AGAP1: variants seen among roughly 807,000 people sequenced by gnomAD.
AGAP1 encodes the protein arf-GAP with GTPase, ANK repeat and PH domain-containing protein 1.
AGAP1 carries 29 observed loss-of-function variants against 105.3 expected under a neutral mutation model. The observed-to-expected ratio is 0.28, with a 90% CI of 0.21 to 0.38. The LOEUF (loss-of-function observed/expected upper bound fraction) is 0.38. Ranked by LOEUF, AGAP1 falls within the 10% of genes least tolerant of loss-of-function variation. AGAP1 has a pLI of 1.00. For synonymous variants in AGAP1, 509 were observed against 485.9 expected (o/e 1.05, Z -0.63); for missense variants, 998 against 1,165.1 (o/e 0.86, Z 2.09).
Position 235,728,586 on chromosome 2 carries a change from G to T in AGAP1, c.310+10942G>T, listed in dbSNP as rs1297987534. ...GCTAGTGTGAGAGCTGCTGGTGCCT[G>T]CCCTGGGTCCGAAAGCTGGTGGTGG... On this transcript the variant is annotated intron_variant, in intron 3 of 17. Coordinates refer to ENST00000304032, the MANE Select transcript of AGAP1 (RefSeq NM_001037131.3). This position sits in a 1 kb window ranked among gnomAD's most constrained non-coding sequence, Gnocchi z 4.3. Among the ~76,000 whole-genome samples the T allele has an allele frequency of 6.6e-6, 1 of 152,100 alleles. No individual in the cohort carries two copies. The highest frequency in any genetic ancestry group is 1.9e-4 in the East Asian group (1 of 5,178).
Position 235,690,282 on chromosome 2 carries a change from C to T in AGAP1, c.164-18897C>T, listed in dbSNP as rs565851281. On this transcript the variant is annotated intron_variant, in intron 1 of 17. Transcript: ENST00000304032. The surrounding 1 kb of genome is among the most constrained non-coding windows in gnomAD (Gnocchi z 4.1). Reference sequence around the variant, plus strand: ...CTAAAAGGGACTCTGACCCTCCCTCCGCACCCCACCCTTTAAAGGTGAAAG... The same window carrying T: ...CTAAAAGGGACTCTGACCCTCCCTCTGCACCCCACCCTTTAAAGGTGAAAG... 6.6e-5 allele frequency among the ~76,000 whole-genome samples: 10 copies of T among 152,210 alleles called. No individual in the cohort carries two copies. The highest frequency in any genetic ancestry group is 1.9e-4 in the East Asian group (1 of 5,150).
Position 235,663,746 on chromosome 2 carries a change from C to G in AGAP1, c.164-45433C>G, listed in dbSNP as rs1948037384. Among the ~76,000 whole-genome samples, 1 of 152,154 alleles carries G rather than the reference C, an allele frequency of 6.6e-6. No homozygotes were observed. Among genetic ancestry groups the G allele is most frequent in the Non-Finnish European group, 1.5e-5 (1 of 68,036 alleles). On this transcript the variant is annotated intron_variant, in intron 1 of 17. Transcript: ENST00000304032. This position sits in a 1 kb window ranked among gnomAD's most constrained non-coding sequence, Gnocchi z 5.4. ...TGATATTCGTTCCTACTCCAGGAAG[C>G]TCTTAGGAGAATCCAAATCCGACTT...
At position 235,614,317 on chromosome 2, in the gene AGAP1, G is replaced by A. The variant is rs189311704; in HGVS notation, c.164-94862G>A. ...AGCGTGTATAACAAAAGTGGGATCCGGAAAGGGCTGCTGGCGAGTGGGAGT... is the reference window on the plus strand; with the variant it reads ...AGCGTGTATAACAAAAGTGGGATCCAGAAAGGGCTGCTGGCGAGTGGGAGT... On this transcript the variant is annotated intron_variant, in intron 1 of 17. Transcript: ENST00000304032. This position sits in a 1 kb window ranked among gnomAD's most constrained non-coding sequence, Gnocchi z 4.7. Among the ~76,000 whole-genome samples, 41 of 152,230 alleles carry A rather than the reference G, an allele frequency of 2.7e-4. No individual in the cohort carries two copies. Among genetic ancestry groups the A allele is most frequent in the South Asian group, 4.2e-4 (2 of 4,810 alleles).
intron 1 of AGAP1, among the ~76,000 whole-genome samples, chr2:235,536,670 CACACACA>C (rs879944667): frequency 0.02 from 2,951 of 146,196 alleles, 45 homozygotes; most frequent in Middle Eastern, 0.082. Flanking sequence ...CACACACACA[CACACACA>C]CCCCTTGCTT....
At chr2:235,849,940 C>T (rs1010756463) in intron 9 of AGAP1, among the ~76,000 whole-genome samples, 30 of 152,332 alleles carry the variant, frequency 2.0e-4, no homozygotes, top group African/African-American at 6.3e-4. Flanking sequence ...TTGGTCCTGC[C>T]TTTCTCACTT....
At chr2:236,111,809 A>G (rs10211463) in intron 16 of AGAP1, among the ~76,000 whole-genome samples, 2,992 of 149,724 alleles carry the variant, frequency 0.02, 93 homozygotes, top group African/African-American at 0.069. Flanking sequence ...AAAAAAAAAG[A>G]AAGGGTCCAT....
intron 16 of AGAP1, among the ~76,000 whole-genome samples, chr2:236,077,138 A>ATAT (rs1176952323): frequency 8.5e-4 from 119 of 139,256 alleles, no homozygotes; most frequent in African/African-American, 2.8e-3. Flanking sequence ...AAAAAAAAAA[A>ATAT]AAAAATATAT....
intron 5 of AGAP1, among the ~76,000 whole-genome samples, chr2:235,748,834 G>A (rs1401040160): frequency 6.6e-6 from 1 of 152,174 alleles, no homozygotes; most frequent in Admixed American, 6.5e-5. Context: ...TCCTGTTGGT[G>A]GATTTTTGTT....
At chr2:236,108,043 C>A (rs1402420438) in intron 16 of AGAP1, among the ~76,000 whole-genome samples, 1 of 152,260 alleles carries the variant, frequency 6.6e-6, no homozygotes, top group Non-Finnish European at 1.5e-5. Flanking sequence ...CTCCTCCCCG[C>A]ATGCGGGATT....
intron 1 of AGAP1, among the ~76,000 whole-genome samples, chr2:235,572,906 G>A (rs565997182): frequency 6.6e-6 from 1 of 152,278 alleles, no homozygotes; most frequent in South Asian, 2.1e-4. Flanking sequence ...TTCTGCCTGA[G>A]ACTCCTTTTA....
chr2:235,925,637 T>C (rs2052409813), intron 11 of AGAP1, among the ~76,000 whole-genome samples: 1 of 152,192 alleles, frequency 6.6e-6, no homozygotes, highest in African/African-American at 2.4e-5. Context: ...GGTCTAGGTG[T>C]GAAAATGTGA....
At chr2:236,025,875 C>T (rs1239156917) in intron 13 of AGAP1, among the ~76,000 whole-genome samples, 2 of 81,078 alleles carry the variant, frequency 2.5e-5, no homozygotes, top group Admixed American at 1.1e-4. Flanking sequence ...GCACTCCAGC[C>T]TGAGCGACAG....
rs1011669810 is a variant in AGAP1 at position 235,711,438 on chromosome 2, T to C, written c.222+2201T>C. On this transcript the variant is annotated intron_variant, in intron 2 of 17. Coordinates refer to ENST00000304032, the MANE Select transcript of AGAP1 (RefSeq NM_001037131.3). ...TGCCGGTATTTTGAAAGCATATGAT[T>C]TTCTGGAATATCTGCCCAGAGCTGT... 1.1e-4 allele frequency among the ~76,000 whole-genome samples: 16 copies of C among 152,336 alleles called. No individual in the cohort carries two copies. In the East Asian group the frequency reaches 2.9e-3, roughly 28 times the overall value.
chr2:236,120,381 C>T lies in AGAP1; in HGVS notation c.2304C>T (p.Asp768=), dbSNP rs780092209. Residue 768 remains aspartate (D), a synonymous_variant, in exon 17 of 18, where the codon GAC becomes GAT. Transcript: ENST00000304032. This position sits in a 1 kb window ranked among gnomAD's most constrained non-coding sequence, Gnocchi z 6.0. ...TGAACGAGACCTGCGGGGAGGGAGA[C>T]GGCCGCACGGCGCTGCATCTGGCCT... ...DEVNETCGEG[D]GRTALHLACR... 9.7e-5 allele frequency: 156 copies of T among 1,611,364 alleles called. 1 individual carries two copies. The highest frequency in any genetic ancestry group is 2.0e-4 in the East Asian group (9 of 44,882).
Position 235,796,889 on chromosome 2 carries a change from G to A in AGAP1, c.674-870G>A, listed in dbSNP as rs371340551. 1.1e-4 allele frequency among the ~76,000 whole-genome samples: 17 copies of A among 152,300 alleles called. 1 individual carries two copies. The East Asian group carries it at 2.3e-3, about 21-fold the overall frequency. On this transcript the variant is annotated intron_variant, in intron 6 of 17. Transcript: ENST00000304032. ...TTATTCTGCGGCAGTGACACCATTG[G>A]TGTAGGAAGAGTTTTCTAATCGTTG...
chr2:235,771,984 T>A (rs565124365), intron 6 of AGAP1, among the ~76,000 whole-genome samples: 30 of 149,130 alleles, frequency 2.0e-4, no homozygotes, highest in Non-Finnish European at 3.8e-4. Flanking sequence ...TTTCTTTTTT[T>A]TTTTCTTTTC....
chr2:235,760,663 G>T (rs535748237), intron 6 of AGAP1, among the ~76,000 whole-genome samples: 2 of 152,298 alleles, frequency 1.3e-5, no homozygotes, highest in East Asian at 3.9e-4. Flanking sequence ...ATAGCTCACT[G>T]CAGTTTCAGA....
Position 236,050,221 on chromosome 2 carries a change from T to C in AGAP1, c.2114+940T>C, listed in dbSNP as rs1472778652. Among the ~76,000 whole-genome samples the C allele has an allele frequency of 6.6e-6, 1 of 152,236 alleles. No individual in the cohort carries two copies. The highest frequency in any genetic ancestry group is 6.5e-5 in the Admixed American group (1 of 15,292). On this transcript the variant is annotated intron_variant, in intron 16 of 17. Coordinates refer to ENST00000304032, the MANE Select transcript of AGAP1 (RefSeq NM_001037131.3). The surrounding 1 kb of genome is among the most constrained non-coding windows in gnomAD (Gnocchi z 4.0). ...TTACGCCACAGAAACCGGTTTCTAC[T>C]GCAGAGCAGTAAGAACGTGAGAAGC...
In AGAP1 at chr2:235,930,851, C is replaced by T. The variant is rs752438308; in HGVS notation, c.1411C>T (p.Arg471Cys). Residue 471 changes from arginine (R) to cysteine (C), a missense_variant, in exon 12 of 18, where the codon CGC (arginine) becomes TGC (cysteine). Around this residue, in one of 3 missense-constraint regions of AGAP1, gnomAD observed 735 missense variants for 833.4 expected, o/e 0.88. Transcript: ENST00000304032. This position sits in a 1 kb window ranked among gnomAD's most constrained non-coding sequence, Gnocchi z 7.9. ...FNSRPDGMHQ[R>C]SYSVSSADQW... Reference sequence around the variant, plus strand: ...CAGCCGACCCGACGGCATGCACCAGCGCTCCTACTCAGTCTCCAGTGCCGA... The same window carrying T: ...CAGCCGACCCGACGGCATGCACCAGTGCTCCTACTCAGTCTCCAGTGCCGA... 1.8e-5 allele frequency: 29 copies of T among 1,614,034 alleles called. No individual in the cohort carries two copies. The highest frequency in any genetic ancestry group is 1.6e-4 in the Middle Eastern group (1 of 6,084).
Sources: allele counts gnomAD v4.1 joint callset (sites outside exome capture counted in the v4.1 genomes callset), GRCh38; gene constraint gnomAD v4.1.1; regional missense constraint gnomAD v4.1.1; non-coding constraint Gnocchi (gnomAD v3.1); transcripts MANE v1.5; gene names NCBI Gene and HGNC (gene_info 2026-07-23, HGNC 2026-07-21).